The following ZNF775 variants were observed in gnomAD, a reference collection of about 807,000 sequenced individuals.
The protein encoded by ZNF775 is zinc finger protein 775.
Under a neutral mutation model 2.4 loss-of-function variants are expected in ZNF775, and 1 was observed. The observed-to-expected ratio is 0.41, with a 90% CI of 0.15 to 1.94. The LOEUF is 1.94. Ranked by LOEUF, ZNF775 falls within the 30% of genes most tolerant of loss-of-function variation. ZNF775 has a pLI of 0.30. For missense variants in ZNF775, 823 were observed against 826.6 expected (o/e 1.00, Z 0.05); for synonymous variants, 381 against 373.3 (o/e 1.02, Z -0.24).
chr7:150,384,761 CAG>C lies in ZNF775; in HGVS notation c.-49-3658_-49-3657del, dbSNP rs1270513458. Among the ~76,000 whole-genome samples the C allele has an allele frequency of 6.6e-6, 1 of 152,180 alleles. No individual in the cohort carries two copies. Among genetic ancestry groups the C allele is most frequent in the Non-Finnish European group, 1.5e-5 (1 of 68,034 alleles). Reference sequence around the variant, plus strand: ...CCTCGAGCCCTGGTATGGCCCGAGACAGAGGCACCGAGGCTTGAGGGAGGAGC... The same window carrying C: ...CCTCGAGCCCTGGTATGGCCCGAGACAGGCACCGAGGCTTGAGGGAGGAGC... On this transcript the variant is annotated intron_variant, in intron 1 of 2. Coordinates refer to ENST00000329630, the MANE Select transcript of ZNF775 (RefSeq NM_173680.4). This position sits in a 1 kb window ranked among gnomAD's most constrained non-coding sequence, Gnocchi z 4.1.
At chr7:150,383,265 C>T (rs961979115) in intron 1 of ZNF775, among the ~76,000 whole-genome samples, 3 of 152,130 alleles carry the variant, frequency 2.0e-5, no homozygotes, top group African/African-American at 7.2e-5. Flanking sequence ...ATTGCCTGGT[C>T]CTGAGGGATT....
Position 150,398,307 on chromosome 7 carries a change from C to G in ZNF775, c.*212C>G, listed in dbSNP as rs14011. The G allele has an allele frequency of 2.5e-6, 2 of 806,790 alleles. No homozygotes were observed. The highest frequency in any genetic ancestry group is 3.7e-6 in the Non-Finnish European group (2 of 539,128). 50.0% of individuals were successfully genotyped at this position (806,790 alleles called of 1,614,324 possible). A position where few individuals can be genotyped will look rare whatever the true frequency, so the allele number is the denominator to read the frequency against. On this transcript the variant is annotated 3_prime_UTR_variant, in exon 3 of 3. Coordinates refer to ENST00000329630, the MANE Select transcript of ZNF775 (RefSeq NM_173680.4). ...GTGGGTTGAGGGAGGAGGGAAGATC[C>G]GAGTTCCTCACCGCGGGCCGGGATG...
chr7:150,388,957 A>G (rs1483933284), intron 2 of ZNF775, among the ~76,000 whole-genome samples: 1 of 152,240 alleles, frequency 6.6e-6, no homozygotes, highest in Non-Finnish European at 1.5e-5. Flanking sequence ...GTTATTGGCT[A>G]AGCCGCTTAG....
In ZNF775 at chr7:150,392,545, A is replaced by ATCTCTCTCTCTCTC. The variant is rs56067146; in HGVS notation, c.32-3940_32-3927dup. 1.7e-3 allele frequency among the ~76,000 whole-genome samples: 233 copies of ATCTCTCTCTCTCTC among 136,632 alleles called. 6 individuals carry two copies. The highest frequency in any genetic ancestry group is 6.2e-3 in the African/African-American group (209 of 33,608). The allele number at this position is 136,632 out of a possible 152,430, so 89.6% of individuals were successfully genotyped here. ...TTTATTTTCTTTTTTTCCCAAATGG[A>ATCTCTCTCTCTCTC]TCTCTCTCTCTCTCTCTCTCTCTCT... On this transcript the variant is annotated intron_variant, in intron 2 of 2. Coordinates refer to ENST00000329630, the MANE Select transcript of ZNF775 (RefSeq NM_173680.4).
At chr7:150,381,203 T>G (rs1800354482) in intron 1 of ZNF775, among the ~76,000 whole-genome samples, 1 of 147,890 alleles carries the variant, frequency 6.8e-6, no homozygotes, top group African/African-American at 2.5e-5. Context: ...GCAGGGGAGG[T>G]GTGGGTGGGA....
At position 150,397,669 on chromosome 7, in the gene ZNF775, G is replaced by A; in HGVS notation, c.1188G>A (p.Pro396=). ...RAHAVAEPAV[P]AGEPGDQPQA... is the part of the protein sequence containing the mutation. ...ACGCTGTCGCTGAGCCCGCCGTTCC[G>A]GCCGGGGAACCGGGCGACCAGCCGC... The change falls in exon 3 of 3, where the codon CCG becomes CCA. Residue 396 remains proline (P), a synonymous_variant. Coordinates refer to ENST00000329630, the MANE Select transcript of ZNF775 (RefSeq NM_173680.4). The A allele has an allele frequency of 1.5e-6, 2 of 1,328,878 alleles. No individual in the cohort carries two copies. Among genetic ancestry groups the A allele is most frequent in the Non-Finnish European group, 9.6e-7 (1 of 1,044,962 alleles). The allele number at this position is 1,328,878 out of a possible 1,614,324, so 82.3% of individuals were successfully genotyped here. A position where few individuals can be genotyped will look rare whatever the true frequency, so the allele number is the denominator to read the frequency against.
rs1470346580 is a variant in ZNF775 at position 150,398,243 on chromosome 7, TC to T, written c.*149del. 7.8e-6 allele frequency: 10 copies of T among 1,277,526 alleles called. No individual in the cohort carries two copies. In the East Asian group the frequency reaches 2.4e-4, roughly 30 times the overall value. 79.1% of individuals were successfully genotyped at this position (1,277,526 alleles called of 1,614,324 possible). On this transcript the variant is annotated 3_prime_UTR_variant, in exon 3 of 3. Transcript: ENST00000329630. The stretch of plus-strand genomic sequence containing the variant: ...AAGGCTCTGAAGGGCTGAGAACAGT[TC>T]TAGAAGCGTCCCAAAGGGTGCTGGG...
chr7:150,397,836 G>C lies in ZNF775; in HGVS notation c.1355G>C (p.Gly452Ala). ...CGCCAGTTCATCTGCAACGAGTGCG[G>C]CAAGAGCTTCTCGTGGTGGTCGGCG... ...EPRQFICNEC[G>A]KSFSWWSALT... Residue 452 changes from glycine (G) to alanine (A), a missense_variant, in exon 3 of 3, where the codon GGC becomes GCC. Physicochemically the swap from Gly to Ala is moderately conservative, Grantham distance 60 (BLOSUM62 0). Transcript: ENST00000329630. The C allele has an allele frequency of 6.2e-7, 1 of 1,600,548 alleles. No homozygotes were observed. Among genetic ancestry groups the C allele is most frequent in the Non-Finnish European group, 8.5e-7 (1 of 1,177,016 alleles).
Position 150,398,047 on chromosome 7 carries a change from C to A in ZNF775, c.1566C>A (p.Arg522=). 6.4e-7 allele frequency: 1 copy of A among 1,570,182 alleles called. No individual in the cohort carries two copies. Among genetic ancestry groups the A allele is most frequent in the Non-Finnish European group, 8.6e-7 (1 of 1,163,034 alleles). ...SQKQHLLKHQ[R]VHRAAPACSP... ...AGCAGCACCTGCTCAAGCACCAGCG[C>A]GTGCACCGCGCGGCCCCTGCGTGCA... The change falls in exon 3 of 3, where the codon CGC becomes CGA. Residue 522 remains arginine (R), a synonymous_variant. Transcript: ENST00000329630.
intron 1 of ZNF775, among the ~76,000 whole-genome samples, chr7:150,385,310 C>G (rs1800430400): frequency 6.6e-6 from 1 of 152,244 alleles, no homozygotes; most frequent in South Asian, 2.1e-4. Flanking sequence ...CAGAAAAGCT[C>G]TTTGCAAAAG....
chr7:150,396,171 C>A (rs541368433), intron 2 of ZNF775, among the ~76,000 whole-genome samples: 2 of 152,302 alleles, frequency 1.3e-5, no homozygotes, highest in African/African-American at 4.8e-5. Context: ...TCCTCGGCCT[C>A]AGGGTGGAGA....
intron 2 of ZNF775, among the ~76,000 whole-genome samples, chr7:150,388,927 GTCAC>G (rs1176917230): frequency 2.0e-5 from 3 of 152,218 alleles, no homozygotes; most frequent in Non-Finnish European, 4.4e-5. Flanking sequence ...CTTCCTGGGG[GTCAC>G]TCAAAGTTCA....
intron 2 of ZNF775, among the ~76,000 whole-genome samples, chr7:150,394,348 A>G (rs977993807): frequency 1.3e-5 from 2 of 151,990 alleles, no homozygotes; most frequent in Non-Finnish European, 2.9e-5. Flanking sequence ...TCTTATTTCT[A>G]TTTCTCAGTG....
chr7:150,394,669 C>T (rs1400542701), intron 2 of ZNF775, among the ~76,000 whole-genome samples: 1 of 150,190 alleles, frequency 6.7e-6, no homozygotes, highest in Non-Finnish European at 1.5e-5. Context: ...CCCTCCCTCC[C>T]TCCCCTCTTC....
rs777890710 is a variant in ZNF775 at position 150,396,845 on chromosome 7, C to T, written c.364C>T (p.Leu122=). Residue 122 remains leucine, a synonymous_variant, in exon 3 of 3, where the codon CTG becomes TTG. Transcript: ENST00000329630. The stretch of plus-strand genomic sequence containing the variant: ...GAAGAGGTTCAGCTGGTGGTCGTCC[C>T]TGAAGATCCACCAGCGCACCCACAC... ...CGKRFSWWSS[L]KIHQRTHTGE... The T allele has an allele frequency of 6.2e-7, 1 of 1,603,108 alleles. No individual in the cohort carries two copies. The highest frequency in any genetic ancestry group is 1.1e-5 in the South Asian group (1 of 90,972).
chr7:150,387,032 C>T (rs765117416), intron 1 of ZNF775, among the ~76,000 whole-genome samples: 1 of 152,134 alleles, frequency 6.6e-6, no homozygotes, highest in Non-Finnish European at 1.5e-5. Context: ...CACGGTGGCT[C>T]ACGCCTGTAA....
chr7:150,385,433 AC>A (rs1800433273), intron 1 of ZNF775, among the ~76,000 whole-genome samples: 1 of 149,706 alleles, frequency 6.7e-6, no homozygotes, highest in Non-Finnish European at 1.5e-5. Flanking sequence ...AGCCTGCAAT[AC>A]CCCAAGCGAC....
Position 150,384,774 on chromosome 7 carries a change from G to A in ZNF775, c.-49-3648G>A, listed in dbSNP as rs1426881524. Among the ~76,000 whole-genome samples the A allele has an allele frequency of 3.3e-5, 5 of 152,218 alleles. No individual in the cohort carries two copies. Among genetic ancestry groups the A allele is most frequent in the African/African-American group, 1.2e-4 (5 of 41,458 alleles). On this transcript the variant is annotated intron_variant, in intron 1 of 2. Transcript: ENST00000329630. This position sits in a 1 kb window ranked among gnomAD's most constrained non-coding sequence, Gnocchi z 4.1. ...TATGGCCCGAGACAGAGGCACCGAG[G>A]CTTGAGGGAGGAGCTGCTCTGGGAG...
Position 150,397,651 on chromosome 7 carries a change from C to T in ZNF775, c.1170C>T (p.Val390=), listed in dbSNP as rs1191117335. 2 of 1,320,316 alleles carry T rather than the reference C, an allele frequency of 1.5e-6. No homozygotes were observed. Among genetic ancestry groups the T allele is most frequent in the Non-Finnish European group, 1.9e-6 (2 of 1,040,132 alleles). The allele number at this position is 1,320,316 out of a possible 1,614,324, so 81.8% of individuals were successfully genotyped here. The change falls in exon 3 of 3, where the codon GTC becomes GTT. Residue 390 remains valine (V), a synonymous_variant. Transcript: ENST00000329630. ...ALRAHQRAHA[V]AEPAVPAGEP... Reference sequence around the variant, plus strand: ...GCGCCCACCAGCGCGCCCACGCTGTCGCTGAGCCCGCCGTTCCGGCCGGGG... The same window carrying T: ...GCGCCCACCAGCGCGCCCACGCTGTTGCTGAGCCCGCCGTTCCGGCCGGGG...
Sources: allele counts gnomAD v4.1 joint callset (sites outside exome capture counted in the v4.1 genomes callset), GRCh38; gene constraint gnomAD v4.1.1; non-coding constraint Gnocchi (gnomAD v3.1); transcripts MANE v1.5; gene names NCBI Gene and HGNC (gene_info 2026-07-23, HGNC 2026-07-21).